PLCB1: variants seen among roughly 807,000 people sequenced by gnomAD.
PLCB1 encodes the protein 1-phosphatidylinositol 4,5-bisphosphate phosphodiesterase beta-1.
A neutral mutation model predicts 161.8 loss-of-function variants in PLCB1; 46 were observed. That is an observed-to-expected ratio of 0.28 (90% CI 0.22 to 0.36). The LOEUF (loss-of-function observed/expected upper bound fraction) is 0.36, where lower values mean the gene tolerates loss of function less well. PLCB1 is among the 10% of genes least tolerant of loss of function. The pLI is 1.00. For missense variants in PLCB1, 1,016 were observed against 1,472.5 expected, an observed-to-expected ratio of 0.69 and a Z score of 5.07; for synonymous variants, 517 against 503.7, an observed-to-expected ratio of 1.03 and a Z score of -0.35.
intron 3 of PLCB1, among the ~76,000 whole-genome samples, chr20:8,473,464 A>T (rs1315391091): frequency 6.6e-6 from 1 of 152,212 alleles, no homozygotes; most frequent in Non-Finnish European, 1.5e-5. Flanking sequence ...TCAATTTACA[A>T]AACAAATAAC....
intron 2 of PLCB1, among the ~76,000 whole-genome samples, chr20:8,296,084 A>G (rs1438584730): frequency 6.6e-6 from 1 of 152,168 alleles, no homozygotes; most frequent in African/African-American, 2.4e-5. Flanking sequence ...CTATATTAAG[A>G]TAGTCACTGC....
intron 3 of PLCB1, among the ~76,000 whole-genome samples, chr20:8,503,530 A>G (rs1200819575): frequency 6.6e-6 from 1 of 152,160 alleles, no homozygotes; most frequent in African/African-American, 2.4e-5. Context: ...CCTTAAAAAA[A>G]TACCAGCTTT....
chr20:8,622,732 C>T (rs1988219000), intron 3 of PLCB1, among the ~76,000 whole-genome samples: 2 of 145,692 alleles, frequency 1.4e-5, no homozygotes, highest in Admixed American at 1.4e-4. Flanking sequence ...TTTCTGCAAT[C>T]ATCTCCAAAA....
chr20:8,508,475 G>A (rs962880709), intron 3 of PLCB1, among the ~76,000 whole-genome samples: 13 of 152,234 alleles, frequency 8.5e-5, no homozygotes, highest in South Asian at 4.2e-4. Context: ...CTCAAGTTCC[G>A]GTTGTTCATC....
At chr20:8,138,156 A>G (rs2051367592) in intron 1 of PLCB1, among the ~76,000 whole-genome samples, 1 of 152,224 alleles carries the variant, frequency 6.6e-6, no homozygotes, top group African/African-American at 2.4e-5. Flanking sequence ...TTTCTCTCTT[A>G]TCTTGCTTAA....
At chr20:8,479,258 A>G (rs1982404530) in intron 3 of PLCB1, among the ~76,000 whole-genome samples, 1 of 152,166 alleles carries the variant, frequency 6.6e-6, no homozygotes, top group Non-Finnish European at 1.5e-5. Flanking sequence ...GTACATTTTT[A>G]TGTAAATATT....
chr20:8,218,792 G>A (rs1979263585), intron 2 of PLCB1, among the ~76,000 whole-genome samples: 1 of 151,916 alleles, frequency 6.6e-6, no homozygotes, highest in Non-Finnish European at 1.5e-5. Context: ...GGAATATGGT[G>A]GGAAAGGGCC....
chr20:8,529,385 A>G (rs1290449984), intron 3 of PLCB1, among the ~76,000 whole-genome samples: 2 of 152,064 alleles, frequency 1.3e-5, no homozygotes, highest in Non-Finnish European at 2.9e-5. Flanking sequence ...ATGAACAGCA[A>G]CACTTCCCCC....
At chr20:8,696,879 G>A (rs575388830) in intron 10 of PLCB1, among the ~76,000 whole-genome samples, 6 of 152,076 alleles carry the variant, frequency 3.9e-5, no homozygotes, top group Admixed American at 2.0e-4. Flanking sequence ...GACTACAGGC[G>A]CCTGCCACCA....
chr20:8,289,764 C>T (rs780137363), intron 2 of PLCB1, among the ~76,000 whole-genome samples: 2 of 152,254 alleles, frequency 1.3e-5, no homozygotes, highest in East Asian at 1.9e-4. Flanking sequence ...GAATCTTGAA[C>T]GAGCATGACT....
In PLCB1 at chr20:8,773,766, G is replaced by T. The variant is rs1315706651; in HGVS notation, c.2931-773G>T. On this transcript the variant is annotated intron_variant, in intron 26 of 31. Transcript: ENST00000338037. ...AGATGGGCAGATCACTTGAGGTCAA[G>T]AGTTTGAGACCATGCTAGCCAACAT... Among the ~76,000 whole-genome samples, 7 of 152,298 alleles carry T rather than the reference G, an allele frequency of 4.6e-5. No individual in the cohort carries two copies. In the South Asian group the frequency reaches 8.3e-4, roughly 18 times the overall value.
At chr20:8,784,521 C>T (rs1288400461) in intron 27 of PLCB1, among the ~76,000 whole-genome samples, 1 of 150,598 alleles carries the variant, frequency 6.6e-6, no homozygotes, top group Non-Finnish European at 1.5e-5. Flanking sequence ...CGAGATTGCA[C>T]CACTGCACTG....
chr20:8,602,425 G>T (rs910940699), intron 3 of PLCB1, among the ~76,000 whole-genome samples: 1 of 152,158 alleles, frequency 6.6e-6, no homozygotes, highest in African/African-American at 2.4e-5. Flanking sequence ...AATGTCAATG[G>T]TGAATTAACA....
At chr20:8,682,174 G>A (rs1990238209) in intron 9 of PLCB1, among the ~76,000 whole-genome samples, 1 of 152,166 alleles carries the variant, frequency 6.6e-6, no homozygotes. Flanking sequence ...AGGAAATAGA[G>A]AGAAAAGGAG....
intron 31 of PLCB1, among the ~76,000 whole-genome samples, chr20:8,809,330 T>C (rs1012203944): frequency 5.9e-5 from 9 of 152,018 alleles, no homozygotes; most frequent in Non-Finnish European, 1.3e-4. Context: ...ATTTAATACC[T>C]CTCACTATTG....
At chr20:8,182,553 C>G (rs749440431) in intron 2 of PLCB1, among the ~76,000 whole-genome samples, 4 of 151,418 alleles carry the variant, frequency 2.6e-5, no homozygotes, top group African/African-American at 4.9e-5. Context: ...TTTGACTTGC[C>G]AGTTGATCAC....
chr20:8,512,927 A>G (rs893077107), intron 3 of PLCB1, among the ~76,000 whole-genome samples: 3 of 152,082 alleles, frequency 2.0e-5, no homozygotes, highest in Non-Finnish European at 2.9e-5. Context: ...GTACCCTTTG[A>G]CCATCATCTC....
chr20:8,739,297 G>A lies in PLCB1; in HGVS notation c.2245G>A (p.Val749Ile), dbSNP rs1980745979. The change falls in exon 21 of 32, where the codon GTT becomes ATT. Residue 749 changes from valine to isoleucine, a missense_variant. By Grantham distance (29) the Val-to-Ile change is conservative (BLOSUM62 3). This residue lies in a region of PLCB1 where 75 missense variants were observed against 117.0 expected (regional missense o/e 0.64). Transcript: ENST00000338037. ...TACTCTGGCCTGTTTGAGAATAGCA[G>A]TTTATGAAGAAGGAGGTAAATTCAT... The part of the protein sequence containing the change: ...LPTLACLRIA[V>I]YEEGGKFIGH... 5 of 1,614,074 alleles carry A rather than the reference G, an allele frequency of 3.1e-6. No individual in the cohort carries two copies. Among genetic ancestry groups the A allele is most frequent in the Non-Finnish European group, 3.4e-6 (4 of 1,179,880 alleles).
intron 3 of PLCB1, among the ~76,000 whole-genome samples, chr20:8,593,919 C>T (rs927345749): frequency 8.5e-5 from 13 of 152,104 alleles, no homozygotes; most frequent in African/African-American, 2.9e-4. Flanking sequence ...GAATCTTGCT[C>T]TGTTACCCAG....
Sources: allele counts gnomAD v4.1 joint callset (sites outside exome capture counted in the v4.1 genomes callset), GRCh38; gene constraint gnomAD v4.1.1; regional missense constraint gnomAD v4.1.1; transcripts MANE v1.5; gene names NCBI Gene and HGNC (gene_info 2026-07-23, HGNC 2026-07-21).